Variants in LPO observed in about 807,000 individuals in gnomAD.
The protein encoded by LPO is lactoperoxidase.
In LPO, 70 loss-of-function variants were observed where a neutral mutation model predicts 68.4. The ratio of observed to expected loss-of-function variants is 1.02; its 90% CI spans 0.84 to 1.25. LPO has a LOEUF of 1.25. LPO is among the 50% of genes most tolerant of loss of function. The pLI is 0.00. For missense variants in LPO, 873 were observed against 908.4 expected (o/e 0.96, Z 0.50); for synonymous variants, 360 against 357.6 (o/e 1.01, Z -0.08).
At chr17:58,247,400 C>A in intron 3 of LPO, 78 bp from the exon 4 acceptor site, 1 of 1,332,446 alleles carries the variant, frequency 7.5e-7, no homozygotes, top group Non-Finnish European at 1.0e-6. Context: ...TGTACACACA[C>A]CCCTCCCACC....
chr17:58,251,892 T>G, intron 7 of LPO: 1 of 677,212 alleles, frequency 1.5e-6, no homozygotes, highest in East Asian at 3.1e-5. Flanking sequence ...GTGTCCTGCT[T>G]TCCTGTCCAG....
At chr17:58,243,314 G>A (rs117891345) in intron 2 of LPO, 222 of 444,608 alleles carry the variant, frequency 5.0e-4, no homozygotes, top group Non-Finnish European at 7.9e-4. Context: ...CAGTCTTTGC[G>A]TGGCCTTTTT....
At chr17:58,248,549 A>G (rs1176705817) in intron 4 of LPO, among the ~76,000 whole-genome samples, 2 of 151,398 alleles carry the variant, frequency 1.3e-5, no homozygotes, top group African/African-American at 4.9e-5. Context: ...AAGCCCCCCT[A>G]CTCTGTCACT....
intron 9 of LPO, among the ~76,000 whole-genome samples, chr17:58,262,599 G>C (rs1970195395): frequency 6.6e-6 from 1 of 152,038 alleles, no homozygotes. Flanking sequence ...CACCATGTTG[G>C]CCAGGCTAGT....
At chr17:58,249,532 T>C in intron 5 of LPO, 34 bp from the exon 6 acceptor site, 1 of 1,595,708 alleles carries the variant, frequency 6.3e-7, no homozygotes, top group Admixed American at 1.7e-5. Flanking sequence ...GGAGCCGGCC[T>C]GCCGAAGCTC....
At chr17:58,252,134 C>T (rs770807407) in intron 7 of LPO, 48 bp from the exon 8 acceptor site, 2 of 1,572,752 alleles carry the variant, frequency 1.3e-6, no homozygotes, top group Non-Finnish European at 8.7e-7. Flanking sequence ...TTGCCAGGAC[C>T]CAGCTGTTCC....
At chr17:58,259,474 C>G (rs1327743075) in intron 9 of LPO, among the ~76,000 whole-genome samples, 2 of 152,104 alleles carry the variant, frequency 1.3e-5, no homozygotes, top group Non-Finnish European at 2.9e-5. Context: ...CCTCTCATAC[C>G]ACAGTGCTCA....
intron 9 of LPO, among the ~76,000 whole-genome samples, chr17:58,259,665 G>C (rs961847913): frequency 5.9e-5 from 9 of 152,146 alleles, no homozygotes; most frequent in African/African-American, 2.2e-4. Context: ...CATTTAGGGA[G>C]AGTTGACATC....
At chr17:58,255,979 C>T (rs1970062741) in intron 9 of LPO, among the ~76,000 whole-genome samples, 1 of 152,170 alleles carries the variant, frequency 6.6e-6, no homozygotes, top group African/African-American at 2.4e-5. Context: ...CTAAAACTCC[C>T]TCATGCTATC....
chr17:58,262,815 T>A (rs1293493877), intron 9 of LPO, among the ~76,000 whole-genome samples: 1 of 152,276 alleles, frequency 6.6e-6, no homozygotes, highest in African/African-American at 2.4e-5. Flanking sequence ...TGAATTTCGC[T>A]GTTTATCCTG....
chr17:58,259,670 G>A (rs975919962), intron 9 of LPO, among the ~76,000 whole-genome samples: 9 of 152,118 alleles, frequency 5.9e-5, no homozygotes, highest in Non-Finnish European at 1.0e-4. Flanking sequence ...AGGGAGAGTT[G>A]ACATCTTTAC....
chr17:58,243,910 G>T, intron 2 of LPO, 84 bp from the exon 3 acceptor site: 1 of 909,184 alleles, frequency 1.1e-6, no homozygotes, highest in Non-Finnish European at 1.8e-6. Context: ...GGTAATGGCC[G>T]AGAAAGAGGG....
chr17:58,247,397 ACACCCCTCC>A (rs964374867), intron 3 of LPO, 72 bp from the exon 4 acceptor site: 9 of 1,326,474 alleles, frequency 6.8e-6, no homozygotes, highest in Non-Finnish European at 9.3e-6. Flanking sequence ...TGTTGTACAC[ACACCCCTCC>A]CACCCCTCCA....
chr17:58,249,243 T>G, intron 5 of LPO, 66 bp downstream of exon 5: 1 of 1,427,782 alleles, frequency 7.0e-7, no homozygotes, highest in Non-Finnish European at 9.8e-7. Flanking sequence ...CCAAGGCCTT[T>G]GTCCCTTGGG....
chr17:58,265,833 C>A (rs139390606), intron 10 of LPO, among the ~76,000 whole-genome samples: 5 of 152,040 alleles, frequency 3.3e-5, no homozygotes, highest in African/African-American at 9.6e-5. Flanking sequence ...AGTCTTCCCA[C>A]CTTGGCCTCC....
chr17:58,265,001 A>G (rs1185424067), intron 10 of LPO, 27 bp downstream of exon 10: 1 of 1,610,800 alleles, frequency 6.2e-7, no homozygotes, highest in Non-Finnish European at 8.5e-7. Flanking sequence ...AAGTGCTGTC[A>G]CCTGGGTCTC....
At chr17:58,250,694 C>G in intron 7 of LPO, 73 bp downstream of exon 7, 5 of 1,447,254 alleles carry the variant, frequency 3.5e-6, no homozygotes, top group Non-Finnish European at 4.8e-6. Flanking sequence ...CCCAGCTCAT[C>G]AGCTAGGATC....
chr17:58,250,896 A>G (rs914002452), intron 7 of LPO: 4 of 461,176 alleles, frequency 8.7e-6, no homozygotes, highest in Non-Finnish European at 1.2e-5. Context: ...GGAATTGGAC[A>G]AGTAAACTAC....
rs2143950397 is a variant in LPO at position 58,266,316 on chromosome 17, T to C, written c.1683T>C (p.His561=). Residue 561 remains histidine, a synonymous_variant, in exon 11 of 13, where the codon CAT becomes CAC. Transcript: ENST00000262290. ...TCAACACACAGCGTTGCCGGGACCA[T>C]GGGCAACCTGGTGAGTGTCTGAAGT... The part of the protein sequence containing the change: ...AAINTQRCRD[H]GQPGYNSWRA... 6.2e-7 allele frequency: 1 copy of C among 1,614,020 alleles called. No homozygotes were observed. Among genetic ancestry groups the C allele is most frequent in the East Asian group, 2.2e-5 (1 of 44,884 alleles).
Sources: allele counts gnomAD v4.1 joint callset (sites outside exome capture counted in the v4.1 genomes callset), GRCh38; gene constraint gnomAD v4.1.1; transcripts MANE v1.5; gene names NCBI Gene and HGNC (gene_info 2026-07-23, HGNC 2026-07-21).